GALNT7: variants seen among roughly 807,000 people sequenced by gnomAD.
GALNT7 encodes the protein N-acetylgalactosaminyltransferase 7.
GALNT7 carries 60 observed loss-of-function variants against 82.1 expected under a neutral mutation model. The observed-to-expected ratio is 0.73, with a 90% confidence interval of 0.59 to 0.91. The LOEUF is 0.91. Among genes scored for constraint, GALNT7 ranks in the 40% least tolerant of loss-of-function variants. The pLI, the probability that GALNT7 is intolerant of heterozygous loss-of-function variation, is 0.00. For missense variants in GALNT7, 660 were observed against 804.2 expected (o/e 0.82, Z 2.17); for synonymous variants, 243 against 275.1 (o/e 0.88, Z 1.15).
At chr4:173,289,343 C>G (rs1192298726) in intron 2 of GALNT7, among the ~76,000 whole-genome samples, 2 of 152,264 alleles carry the variant, frequency 1.3e-5, no homozygotes, top group Admixed American at 1.3e-4. Flanking sequence ...GAACTAGTAC[C>G]TGGCTTCTTT....
intron 11 of GALNT7, 23 bp from the exon 12 acceptor site, chr4:173,321,557 T>C: frequency 6.3e-7 from 1 of 1,599,870 alleles, no homozygotes; most frequent in South Asian, 1.1e-5. Context: ...AATTTGAAAC[T>C]TTTTTCTTAC....
intron 1 of GALNT7, among the ~76,000 whole-genome samples, chr4:173,213,499 A>C (rs970540648): frequency 6.6e-6 from 1 of 152,178 alleles, no homozygotes; most frequent in African/African-American, 2.4e-5. Flanking sequence ...TGGTTAGGCA[A>C]TGAGACAGTA....
At chr4:173,270,820 G>A (rs1429376947) in intron 2 of GALNT7, among the ~76,000 whole-genome samples, 1 of 152,196 alleles carries the variant, frequency 6.6e-6, no homozygotes, top group Non-Finnish European at 1.5e-5. Flanking sequence ...TCCCGCTTAA[G>A]CACATTTATC....
intron 2 of GALNT7, among the ~76,000 whole-genome samples, chr4:173,273,472 G>A (rs186434438): frequency 1.0e-3 from 159 of 152,178 alleles, no homozygotes; most frequent in African/African-American, 2.8e-3. Context: ...AATCCCATCC[G>A]ATCTTCACGC....
At chr4:173,303,771 A>G (rs1466118284) in intron 7 of GALNT7, among the ~76,000 whole-genome samples, 1 of 152,216 alleles carries the variant, frequency 6.6e-6, no homozygotes, top group Non-Finnish European at 1.5e-5. Flanking sequence ...ACACAGTAAG[A>G]GGCCCCTTAG....
chr4:173,244,639 A>G (rs1415040471), intron 1 of GALNT7, among the ~76,000 whole-genome samples: 6 of 152,206 alleles, frequency 3.9e-5, no homozygotes, highest in Non-Finnish European at 8.8e-5. Flanking sequence ...AAGTTAATGT[A>G]TGTGAAGCAC....
intron 8 of GALNT7, among the ~76,000 whole-genome samples, chr4:173,312,781 G>T (rs913024348): frequency 6.6e-6 from 1 of 152,070 alleles, no homozygotes; most frequent in Admixed American, 6.6e-5. Flanking sequence ...AACTGGGGTC[G>T]GGGGCAATGG....
rs559871703 is a variant in GALNT7, at chr4:173,199,241, A to C, written c.126+30280A>C. 3.9e-5 allele frequency among the ~76,000 whole-genome samples: 6 copies of C among 152,276 alleles called. No individual in the cohort carries two copies. In the East Asian group the frequency reaches 1.2e-3, roughly 29 times the overall value. On this transcript the variant is annotated intron_variant, in intron 1 of 11. Transcript: ENST00000265000. ...TCAACATCTAGGGGATTGAGTGATA[A>C]GTTGCATGGTGGAGGTAGCATGTTG...
intron 1 of GALNT7, among the ~76,000 whole-genome samples, chr4:173,178,149 CT>C (rs1732132877): frequency 1.3e-5 from 2 of 151,774 alleles, no homozygotes; most frequent in African/African-American, 4.8e-5. Flanking sequence ...ACATATTAGT[CT>C]TTTTTTACTC....
chr4:173,310,262 T>G (rs1010764382), intron 8 of GALNT7, among the ~76,000 whole-genome samples: 8 of 152,220 alleles, frequency 5.3e-5, no homozygotes, highest in Admixed American at 1.3e-4. Context: ...TTCCTTCCAC[T>G]GTGTTCTCTA....
Position 173,239,524 on chromosome 4 carries a change from C to T in GALNT7, c.127-8456C>T, listed in dbSNP as rs140612481. On this transcript the variant is annotated intron_variant, in intron 1 of 11. Coordinates refer to ENST00000265000, the MANE Select transcript of GALNT7 (RefSeq NM_017423.3). Reference sequence around the variant, plus strand: ...AAGTGCAATGTTAGAAATATTCACACGTACGAAAGCCGAAAGTGCATCTGT... The same window carrying T: ...AAGTGCAATGTTAGAAATATTCACATGTACGAAAGCCGAAAGTGCATCTGT... Among the ~76,000 whole-genome samples, 574 of 152,220 alleles carry T rather than the reference C, an allele frequency of 3.8e-3. 3 individuals carry two copies. Among genetic ancestry groups the T allele is most frequent in the African/African-American group, 0.013 (551 of 41,540 alleles).
intron 1 of GALNT7, among the ~76,000 whole-genome samples, chr4:173,202,285 C>T (rs1689722898): frequency 6.6e-6 from 1 of 152,150 alleles, no homozygotes; most frequent in Non-Finnish European, 1.5e-5. Flanking sequence ...AATGAAAATT[C>T]TCTGAAAGAG....
In GALNT7 at chr4:173,187,096, T is replaced by A. The variant is rs74944876; in HGVS notation, c.126+18135T>A. On this transcript the variant is annotated intron_variant, in intron 1 of 11. Coordinates refer to ENST00000265000, the MANE Select transcript of GALNT7 (RefSeq NM_017423.3). ...TACATTTACATTAAGAAAAAAAGAA[T>A]GTATGTTCATTGTAGAAAATATTAC... 5.3e-3 allele frequency among the ~76,000 whole-genome samples: 801 copies of A among 152,252 alleles called. 9 individuals carry two copies. Among genetic ancestry groups the A allele is most frequent in the African/African-American group, 0.019 (770 of 41,532 alleles).
At chr4:173,236,504 A>T (rs1734234876) in intron 1 of GALNT7, among the ~76,000 whole-genome samples, 1 of 152,086 alleles carries the variant, frequency 6.6e-6, no homozygotes, top group Admixed American at 6.6e-5. Context: ...CTTTGATCTC[A>T]TGGCTCCCAT....
chr4:173,197,063 C>CTTTTT lies in GALNT7; in HGVS notation c.126+28118_126+28122dup, dbSNP rs5864189. Among the ~76,000 whole-genome samples the CTTTTT allele has an allele frequency of 3.3e-4, 39 of 117,950 alleles. 1 individual carries two copies. The highest frequency in any genetic ancestry group is 3.8e-4 in the Non-Finnish European group (23 of 60,364). The allele number at this position is 117,950 out of a possible 152,430, so 77.4% of individuals were successfully genotyped here. A position where few individuals can be genotyped will look rare whatever the true frequency, so the allele number is the denominator to read the frequency against. ...TTAGATTCTCTATCTCTCTCTCTCC[C>CTTTTT]TTTTTTTTTTTTTTTTTTTTGACAG... On this transcript the variant is annotated intron_variant, in intron 1 of 11. Transcript: ENST00000265000.
intron 8 of GALNT7, among the ~76,000 whole-genome samples, chr4:173,305,319 T>C (rs1737113459): frequency 6.6e-6 from 1 of 152,220 alleles, no homozygotes; most frequent in Non-Finnish European, 1.5e-5. Context: ...GTTCCTTCTA[T>C]GTTACGGATA....
At chr4:173,272,810 C>G (rs758568748) in intron 2 of GALNT7, among the ~76,000 whole-genome samples, 9 of 152,230 alleles carry the variant, frequency 5.9e-5, no homozygotes, top group Non-Finnish European at 1.3e-4. Context: ...TATATTCTTA[C>G]TAACCCCAGA....
At chr4:173,171,881 GC>G in intron 1 of GALNT7, among the ~76,000 whole-genome samples, 1 of 152,288 alleles carries the variant, frequency 6.6e-6, no homozygotes, top group East Asian at 1.9e-4. Context: ...TTGTGCTACT[GC>G]TTTCATAGTG....
chr4:173,225,018 A>AATAATAAT (rs1733777918), intron 1 of GALNT7, among the ~76,000 whole-genome samples: 2 of 144,576 alleles, frequency 1.4e-5, no homozygotes, highest in Admixed American at 7.0e-5. Context: ...CTGTCTCAAA[A>AATAATAAT]AATAATAATA....
Sources: gnomAD v4.1 joint callset for allele counts (sites outside exome capture counted in the v4.1 genomes callset) on GRCh38, gnomAD v4.1.1 for gene constraint, MANE v1.5 for transcripts, NCBI Gene and HGNC (gene_info 2026-07-23, HGNC 2026-07-21) for gene names.